Variants in MCMBP observed in about 807,000 individuals in gnomAD.
MCMBP encodes mini-chromosome maintenance complex-binding protein.
In MCMBP, 31 loss-of-function variants were observed where a neutral mutation model predicts 81.3. The ratio of observed to expected loss-of-function variants is 0.38; its 90% CI spans 0.29 to 0.51. The LOEUF is 0.51. Among genes scored for constraint, MCMBP ranks in the 20% least tolerant of loss-of-function variants. The pLI, the probability that MCMBP is intolerant of heterozygous loss-of-function variation, is 0.87. For missense variants in MCMBP, 645 were observed against 772.1 expected, an observed-to-expected ratio of 0.84 and a Z score of 1.95; for synonymous variants, 267 against 275.9, an observed-to-expected ratio of 0.97 and a Z score of 0.32.
intron 7 of MCMBP, among the ~76,000 whole-genome samples, chr10:119,848,166 T>C (rs535391467): frequency 7.2e-6 from 1 of 138,648 alleles, no homozygotes; most frequent in South Asian, 2.2e-4. Context: ...TTTCACAATT[T>C]AAAAAAAAAA....
At position 119,829,625 on chromosome 10, in the gene MCMBP, C is replaced by G. The variant is rs971004426; in HGVS notation, c.*1849G>C. 1.3e-5 allele frequency: 2 copies of G among 152,308 alleles called. No individual in the cohort carries two copies. Among genetic ancestry groups the G allele is most frequent in the African/African-American group, 4.8e-5 (2 of 41,456 alleles). The allele number at this position is 152,308 out of a possible 1,614,324, so 9.4% of individuals were successfully genotyped here. The stretch of plus-strand genomic sequence containing the variant: ...AGGGTTTCTGCAGCCAAGCACTGCA[C>G]TCCATTCCGCTGCCTGGGCGGGCCT... On this transcript the variant is annotated 3_prime_UTR_variant, in exon 16 of 16. Transcript: ENST00000369077.
intron 13 of MCMBP, among the ~76,000 whole-genome samples, chr10:119,836,408 C>A (rs1018828758): frequency 1.3e-5 from 2 of 152,206 alleles, no homozygotes; most frequent in Admixed American, 1.3e-4. Flanking sequence ...CAACTGGGAG[C>A]ATTTCCCATC....
At chr10:119,851,195 G>A (rs1003872915) in intron 6 of MCMBP, among the ~76,000 whole-genome samples, 2 of 152,014 alleles carry the variant, frequency 1.3e-5, no homozygotes, top group Non-Finnish European at 2.9e-5. Context: ...ACAACTGCAT[G>A]TAAGTCTATA....
intron 1 of MCMBP, among the ~76,000 whole-genome samples, chr10:119,869,331 T>C (rs1853583163): frequency 6.6e-6 from 1 of 152,178 alleles, no homozygotes; most frequent in African/African-American, 2.4e-5. Context: ...CCCAGCACTT[T>C]GGGAGGCCAA....
chr10:119,841,711 T>C (rs996116415), intron 10 of MCMBP, among the ~76,000 whole-genome samples: 1 of 152,258 alleles, frequency 6.6e-6, no homozygotes, highest in Non-Finnish European at 1.5e-5. Context: ...TTTTCCTCCT[T>C]ATGTTCTTGG....
chr10:119,855,629 CCA>C (rs1853010402), intron 5 of MCMBP, among the ~76,000 whole-genome samples: 1 of 151,956 alleles, frequency 6.6e-6, no homozygotes, highest in Non-Finnish European at 1.5e-5. Flanking sequence ...CGAGATTGTG[CCA>C]CTGCACTCCA....
intron 5 of MCMBP, among the ~76,000 whole-genome samples, chr10:119,854,037 T>C (rs1172931198): frequency 6.7e-6 from 1 of 148,938 alleles, no homozygotes; most frequent in Non-Finnish European, 1.5e-5. Context: ...CATCTCTTTT[T>C]TCCTTTTCTT....
At chr10:119,838,737 GT>G in intron 11 of MCMBP, 37 bp from the exon 12 acceptor site, 1 of 1,546,734 alleles carries the variant, frequency 6.5e-7, no homozygotes, top group Non-Finnish European at 8.8e-7. Flanking sequence ...AAGAATTTAA[GT>G]TTCCCTGTTT....
intron 6 of MCMBP, among the ~76,000 whole-genome samples, chr10:119,850,874 G>GTTTTGTTTTTTTTTTTTTTTTTTTTTTTT (rs1852797558): frequency 7.7e-6 from 1 of 130,552 alleles, no homozygotes; most frequent in Non-Finnish European, 1.6e-5. Flanking sequence ...TACAAGATCT[G>GTTTTGTTTTTTTTTTTTTTTTTTTTTTTT]TTTTTTTTTT....
chr10:119,859,194 T>G lies in MCMBP; in HGVS notation c.145-13A>C. ...TCAGTGATGGTACCTTAAAGGAAAA[T>G]AATCAAGTCAGTCAACTAAATATCC... On this transcript the variant is annotated splice_polypyrimidine_tract_variant and intron_variant, in intron 2 of 15. Coordinates refer to ENST00000369077, the MANE Select transcript of MCMBP (RefSeq NM_001256378.2). 1 of 1,609,160 alleles carries G rather than the reference T, an allele frequency of 6.2e-7. No individual in the cohort carries two copies. Among genetic ancestry groups the G allele is most frequent in the Non-Finnish European group, 8.5e-7 (1 of 1,178,578 alleles).
At chr10:119,863,557 C>T (rs973407649) in intron 1 of MCMBP, among the ~76,000 whole-genome samples, 5 of 151,350 alleles carry the variant, frequency 3.3e-5, no homozygotes, top group Admixed American at 6.6e-5. Flanking sequence ...GGCAAACCCC[C>T]GTCTCTACTA....
At chr10:119,842,375 A>G in intron 10 of MCMBP, 97 bp downstream of exon 10, 1 of 1,386,112 alleles carries the variant, frequency 7.2e-7, no homozygotes, top group Non-Finnish European at 9.8e-7. Context: ...GATGAAGCCC[A>G]ATAAGGAAAA....
intron 14 of MCMBP, among the ~76,000 whole-genome samples, chr10:119,834,652 GCA>G (rs752809071): frequency 6.6e-6 from 1 of 151,310 alleles, no homozygotes; most frequent in African/African-American, 2.4e-5. Flanking sequence ...TCCCCTATCT[GCA>G]CACACACAAA....
At chr10:119,859,278 ACAC>A in intron 2 of MCMBP, 97 bp from the exon 3 acceptor site, 1 of 178,170 alleles carries the variant, frequency 5.6e-6, no homozygotes, top group Non-Finnish European at 7.9e-6. Context: ...AAACTGTTAC[ACAC>A]ACACACACAC....
intron 1 of MCMBP, among the ~76,000 whole-genome samples, chr10:119,871,199 C>CAGT (rs1853658213): frequency 6.6e-6 from 1 of 152,186 alleles, no homozygotes; most frequent in African/African-American, 2.4e-5. Context: ...ACCAATGCTA[C>CAGT]AATTGAATCT....
chr10:119,855,227 T>C (rs1211727071), intron 5 of MCMBP, among the ~76,000 whole-genome samples: 1 of 152,084 alleles, frequency 6.6e-6, no homozygotes, highest in Non-Finnish European at 1.5e-5. Context: ...AATTAGAAAA[T>C]ATTTTGAATT....
At chr10:119,846,093 G>C (rs1852609850) in intron 8 of MCMBP, among the ~76,000 whole-genome samples, 1 of 152,130 alleles carries the variant, frequency 6.6e-6, no homozygotes, top group Admixed American at 6.5e-5. Context: ...ATCTAATCCA[G>C]TACCAACGAG....
chr10:119,831,684 T>C, intron 15 of MCMBP, 84 bp from the exon 16 acceptor site: 1 of 1,492,450 alleles, frequency 6.7e-7, no homozygotes, highest in Non-Finnish European at 9.1e-7. Context: ...GAATACTTTG[T>C]GAAAACACAG....
At chr10:119,854,934 C>T (rs1164218559) in intron 5 of MCMBP, among the ~76,000 whole-genome samples, 2 of 140,636 alleles carry the variant, frequency 1.4e-5, no homozygotes, top group Non-Finnish European at 1.5e-5. Context: ...AGCCTGGTGA[C>T]AGAGCAGGAC....
Sources: allele counts gnomAD v4.1 joint callset (sites outside exome capture counted in the v4.1 genomes callset), GRCh38; gene constraint gnomAD v4.1.1; transcripts MANE v1.5; gene names NCBI Gene and HGNC (gene_info 2026-07-23, HGNC 2026-07-21).